Variants in SYNE2 observed in about 807,000 individuals in gnomAD.
The protein encoded by SYNE2 is nesprin-2.
In SYNE2, 431 loss-of-function variants were observed where a neutral mutation model predicts 856.3. The observed-to-expected ratio is 0.50, with a 90% confidence interval of 0.47 to 0.55. SYNE2 has a LOEUF of 0.55. SYNE2 is among the 20% of genes least tolerant of loss of function. The pLI is 0.00. For missense variants in SYNE2, 8,129 were observed against 8,023.2 expected (o/e 1.01, Z -0.50); for synonymous variants, 2,923 against 2,872.3 (o/e 1.02, Z -0.56).
chr14:63,998,987 A>C lies in SYNE2; in HGVS notation c.3427A>C (p.Ser1143Arg). The change falls in exon 27 of 116, where the codon AGT (serine) becomes CGT (arginine). Residue 1143 changes from serine to arginine, a missense_variant. Physicochemically the swap from Ser to Arg is moderately radical, Grantham distance 110 (BLOSUM62 -1). Coordinates refer to ENST00000555002, the MANE Select transcript of SYNE2 (RefSeq NM_182914.3). ...NKFRITSDFS[S>R]EEDRSSSCLQ... Reference sequence around the variant, plus strand: ...ATTCAGGATTACTTCTGATTTCTCTAGTGAAGAGGACAGGAGTAGTTCTTG... The same window carrying C: ...ATTCAGGATTACTTCTGATTTCTCTCGTGAAGAGGACAGGAGTAGTTCTTG... 1 of 1,614,010 alleles carries C rather than the reference A, an allele frequency of 6.2e-7. No homozygotes were observed. The highest frequency in any genetic ancestry group is 8.5e-7 in the Non-Finnish European group (1 of 1,179,862).
chr14:64,010,187 A>C, intron 32 of SYNE2, 71 bp downstream of exon 32: 1 of 1,466,096 alleles, frequency 6.8e-7, no homozygotes, highest in Non-Finnish European at 9.4e-7. Context: ...AAGAGATATT[A>C]TAGATTAAGT....
rs2297622 is a variant in SYNE2, at chr14:63,911,828, G to C, written c.79+2601G>C. 8.0e-4 allele frequency among the ~76,000 whole-genome samples: 122 copies of C among 152,308 alleles called. 3 individuals are homozygous for C. In the East Asian group the frequency reaches 0.022, roughly 27 times the overall value. ...ATTAGTGATCTCAGGCTTATAAGTA[G>C]CTCAAAATAATTAGCAAATTACTGA... On this transcript the variant is annotated intron_variant, in intron 2 of 115. Transcript: ENST00000555002.
rs541800195 is a variant in SYNE2, at chr14:63,845,703, T to C, written c.-304-6798T>C. Reference sequence around the variant, plus strand: ...TTGAACTATTAAGGGGTAATCTGCTTTTCTTTGATTTACTTTGATTTAGGT... The same window carrying C: ...TTGAACTATTAAGGGGTAATCTGCTCTTCTTTGATTTACTTTGATTTAGGT... On this transcript the variant is annotated intron_variant, in intron 1 of 23. Transcript: ENST00000674003. 3.2e-4 allele frequency among the ~76,000 whole-genome samples: 49 copies of C among 151,810 alleles called. 1 individual carries two copies. The East Asian group carries it at 7.7e-3, about 24-fold the overall frequency.
chr14:63,939,628 G>A (rs530762752), intron 2 of SYNE2, among the ~76,000 whole-genome samples: 1 of 152,218 alleles, frequency 6.6e-6, no homozygotes, highest in Non-Finnish European at 1.5e-5. Context: ...GATTACAGGC[G>A]TGAACCACCA....
At chr14:63,953,974 T>G (rs2096206029) in intron 7 of SYNE2, among the ~76,000 whole-genome samples, 1 of 152,146 alleles carries the variant, frequency 6.6e-6, no homozygotes, top group Non-Finnish European at 1.5e-5. Flanking sequence ...AGTGCAGTGG[T>G]GCGATTGTAG....
chr14:63,820,037 A>G (rs1239623471), intron 1 of SYNE2, among the ~76,000 whole-genome samples: 1 of 152,170 alleles, frequency 6.6e-6, no homozygotes, highest in South Asian at 2.1e-4. Flanking sequence ...TTATTTTTTC[A>G]TTGTAAAATC....
chr14:63,827,606 C>A (rs1595150668), intron 1 of SYNE2, among the ~76,000 whole-genome samples: 2 of 45,826 alleles, frequency 4.4e-5, no homozygotes, highest in African/African-American at 9.2e-5. Context: ...GCCTGGGCAA[C>A]AAGATTGAAA....
rs909631111 is a variant in SYNE2, at chr14:64,159,316, T to C, written c.15968T>C (p.Leu5323Pro). 2 of 1,613,908 alleles carry C rather than the reference T, an allele frequency of 1.2e-6. No homozygotes were observed. The highest frequency in any genetic ancestry group is 2.7e-5 in the African/African-American group (2 of 75,030). Reference protein sequence around the residue: ...LRCQVENLQSLQDEAESSEGS... With the variant: ...LRCQVENLQSPQDEAESSEGS... ...TTTCTTGTTTGTGTCTCTTAGTCTC[T>C]GCAAGATGAAGCTGAGAGCAGTGAA... Residue 5323 changes from leucine to proline, a missense_variant, in exon 87 of 116, where the codon CTG becomes CCG. Around this residue, in one of 3 missense-constraint regions of SYNE2, gnomAD observed 5,410 missense variants for 5,284.8 expected, o/e 1.02. Transcript: ENST00000555002.
intron 97 of SYNE2, among the ~76,000 whole-genome samples, chr14:64,187,165 G>A (rs1398145963): frequency 6.6e-6 from 1 of 152,216 alleles, no homozygotes; most frequent in African/African-American, 2.4e-5. Context: ...GTATAGGCTT[G>A]TGACAGGATC....
At chr14:63,835,495 A>G (rs933952012) in intron 1 of SYNE2, among the ~76,000 whole-genome samples, 2 of 151,962 alleles carry the variant, frequency 1.3e-5, no homozygotes, top group African/African-American at 4.8e-5. Flanking sequence ...GGCTTCCCAA[A>G]CTGCTGGGAT....
At position 64,024,939 on chromosome 14, in the gene SYNE2, G is replaced by A. The variant is rs766828875; in HGVS notation, c.5868G>A (p.Arg1956=). The A allele has an allele frequency of 5.0e-6, 8 of 1,613,898 alleles. No individual in the cohort carries two copies. The highest frequency in any genetic ancestry group is 1.3e-5 in the African/African-American group (1 of 74,918). ...TCCAGGATGACCATAGAAACCTGAG[G>A]AAGTGGTTGACTAATCAAGAAGAGA... ...LRLQDDHRNL[R]KWLTNQEEKW... is the part of the protein sequence containing the mutation. The change falls in exon 40 of 116, where the codon AGG becomes AGA. Residue 1956 remains arginine (R), a synonymous_variant. Transcript: ENST00000555002.
rs10673123 is a variant in SYNE2, at chr14:63,919,972, GTTTT to G, written c.79+10761_79+10764del. ...ATATCAGGCACATGATAAAAGGTAA[GTTTT>G]TTTTTTTTTTTTTTTAAGGTAAGAG... On this transcript the variant is annotated intron_variant, in intron 2 of 115. Coordinates refer to ENST00000555002, the MANE Select transcript of SYNE2 (RefSeq NM_182914.3). 4.3e-4 allele frequency among the ~76,000 whole-genome samples: 48 copies of G among 110,602 alleles called. 1 individual carries two copies. The South Asian group carries it at 0.014, about 32-fold the overall frequency. 72.6% of individuals were successfully genotyped at this position (110,602 alleles called of 152,430 possible).
chr14:63,930,669 G>A (rs2095741291), intron 2 of SYNE2, among the ~76,000 whole-genome samples: 1 of 151,794 alleles, frequency 6.6e-6, no homozygotes, highest in African/African-American at 2.4e-5. Context: ...CAAGTAGCTG[G>A]GATTACAGGT....
In SYNE2 at chr14:63,781,666, C is replaced by CTATATA. The variant is rs768212329; in HGVS notation, c.-305+19681_-305+19682insATATAT. ...GAGATGGACCTTAGGCCTTCTCTCT[C>CTATATA]TCTATATATATATAAAGTTATATTT... is the stretch of plus-strand genomic sequence containing the variant. On this transcript the variant is annotated intron_variant, in intron 1 of 23. Transcript: ENST00000674003. Among the ~76,000 whole-genome samples the CTATATA allele has an allele frequency of 8.5e-5, 9 of 106,266 alleles. No homozygotes were observed. The Admixed American group carries it at 9.1e-4, about 11-fold the overall frequency. 69.7% of individuals were successfully genotyped at this position (106,266 alleles called of 152,430 possible). A position where few individuals can be genotyped will look rare whatever the true frequency, so the allele number is the denominator to read the frequency against.
At chr14:64,158,461 T>C (rs1001262483) in intron 85 of SYNE2, among the ~76,000 whole-genome samples, 164 bp from the exon 86 acceptor site, 8 of 152,230 alleles carry the variant, frequency 5.3e-5, no homozygotes, top group African/African-American at 1.9e-4. Context: ...CCTTCTCTGA[T>C]ATGTTCTTAT....
At chr14:63,805,258 C>G (rs1310261900) in intron 1 of SYNE2, among the ~76,000 whole-genome samples, 1 of 152,134 alleles carries the variant, frequency 6.6e-6, no homozygotes, top group Non-Finnish European at 1.5e-5. Flanking sequence ...TGAAAAATGT[C>G]ATTGGTAGTT....
chr14:63,938,824 CTT>C (rs1296494640), intron 2 of SYNE2, among the ~76,000 whole-genome samples: 5 of 152,046 alleles, frequency 3.3e-5, no homozygotes, highest in Non-Finnish European at 7.3e-5. Context: ...CGTGGAAGCA[CTT>C]TAGGACTTAA....
intron 1 of SYNE2, among the ~76,000 whole-genome samples, chr14:63,899,106 T>C (rs2153313968): frequency 6.6e-6 from 1 of 152,368 alleles, no homozygotes; most frequent in East Asian, 1.9e-4. Context: ...GTACCTTATG[T>C]AAGTGGAATC....
intron 1 of SYNE2, among the ~76,000 whole-genome samples, chr14:63,894,093 AT>A (rs1280033055): frequency 6.6e-6 from 1 of 152,186 alleles, no homozygotes; most frequent in East Asian, 1.9e-4. Flanking sequence ...TTTCAGTTCT[AT>A]TTTAAAAGTT....
Sources: gnomAD v4.1 joint callset for allele counts (sites outside exome capture counted in the v4.1 genomes callset) on GRCh38, gnomAD v4.1.1 for gene constraint, gnomAD v4.1.1 regional missense constraint, MANE v1.5 for transcripts, NCBI Gene and HGNC (gene_info 2026-07-23, HGNC 2026-07-21) for gene names.